Variants in DAB2IP observed in about 807,000 individuals in gnomAD.
DAB2IP encodes the protein disabled homolog 2-interacting protein.
Under a neutral mutation model 107.2 loss-of-function variants are expected in DAB2IP, and 28 were observed. The ratio of observed to expected loss-of-function variants is 0.26; its 90% confidence interval spans 0.19 to 0.36. DAB2IP has a LOEUF of 0.36. DAB2IP is among the 10% of genes least tolerant of loss of function. The pLI, the probability that DAB2IP is intolerant of heterozygous loss-of-function variation, is 1.00. For synonymous variants in DAB2IP, 755 were observed against 706.4 expected (o/e 1.07, Z -1.09); for missense variants, 1,400 against 1,644.7 (o/e 0.85, Z 2.57).
In DAB2IP at chr9:121,754,039, C is replaced by A. The variant is rs574302864; in HGVS notation, c.363-2974C>A. On this transcript the variant is annotated intron_variant, in intron 3 of 15. Coordinates refer to ENST00000408936, the Ensembl canonical transcript of DAB2IP. The stretch of plus-strand genomic sequence containing the variant: ...TTGGGTGACTGATGGAGCAAGCAGT[C>A]CCTGCTGTGAAGTGGCCAGGGACTG... 2.6e-5 allele frequency among the ~76,000 whole-genome samples: 4 copies of A among 152,310 alleles called. No homozygotes were observed. In the East Asian group the frequency reaches 7.7e-4, roughly 29 times the overall value.
At chr9:121,716,147 C>A (rs1406096767) in intron 3 of DAB2IP, among the ~76,000 whole-genome samples, 1 of 152,192 alleles carries the variant, frequency 6.6e-6, no homozygotes, top group Non-Finnish European at 1.5e-5. Flanking sequence ...GTTGAGATCC[C>A]CAGTTAGCAG....
intron 2 of DAB2IP, among the ~76,000 whole-genome samples, chr9:121,691,029 G>A (rs1829134661): frequency 6.6e-6 from 1 of 152,214 alleles, no homozygotes; most frequent in African/African-American, 2.4e-5. Context: ...CTAAAATGCT[G>A]TCAAAAGCTG....
At chr9:121,670,224 C>G (rs1477730815) in intron 1 of DAB2IP, among the ~76,000 whole-genome samples, 1 of 152,230 alleles carries the variant, frequency 6.6e-6, no homozygotes, top group Non-Finnish European at 1.5e-5. Flanking sequence ...CCCAGGAGAT[C>G]CATCCAAGTT....
chr9:121,617,427 A>T (rs1831317380), intron 1 of DAB2IP, among the ~76,000 whole-genome samples: 2 of 152,190 alleles, frequency 1.3e-5, no homozygotes, highest in Non-Finnish European at 2.9e-5. Context: ...AATACTCTGG[A>T]TATGGGAGGA....
chr9:121,693,091 A>G (rs1829242019), intron 2 of DAB2IP, among the ~76,000 whole-genome samples: 1 of 152,182 alleles, frequency 6.6e-6, no homozygotes, highest in African/African-American at 2.4e-5. Flanking sequence ...GCCCAGAAAG[A>G]GGAAGTGTGG....
chr9:121,781,543 G>A (rs1171426822), exon 15 of DAB2IP: 1 of 1,613,954 alleles, frequency 6.2e-7, no homozygotes, highest in Non-Finnish European at 8.5e-7. Context: ...GAAGATCATT[G>A]ATGCCCAGGT....
chr9:121,746,665 G>A (rs1464371218), intron 3 of DAB2IP, among the ~76,000 whole-genome samples: 1 of 152,222 alleles, frequency 6.6e-6, no homozygotes, highest in African/African-American at 2.4e-5. Flanking sequence ...ATTCTAGGGG[G>A]GGCCCAGCAT....
rs1259695380 is a variant in DAB2IP, at chr9:121,639,435, A to C, written c.41-39243A>C. ...TGCCCTGTAAGGGGATACCATGCCT[A>C]TCAGAGCTGTAAGGGGATATTTTAA... On this transcript the variant is annotated intron_variant, in intron 1 of 16. Coordinates refer to the DAB2IP transcript ENST00000259371. 2.6e-5 allele frequency among the ~76,000 whole-genome samples: 4 copies of C among 152,194 alleles called. No homozygotes were observed. The East Asian group carries it at 7.7e-4, about 29-fold the overall frequency.
At chr9:121,605,079 G>A (rs147152854) in intron 1 of DAB2IP, among the ~76,000 whole-genome samples, 1 of 152,196 alleles carries the variant, frequency 6.6e-6, no homozygotes, top group African/African-American at 2.4e-5. Context: ...GAGTGCAGTG[G>A]CGCGATCTTG....
chr9:121,705,734 C>CG (rs1480858525), intron 3 of DAB2IP, among the ~76,000 whole-genome samples: 5 of 152,206 alleles, frequency 3.3e-5, no homozygotes, highest in South Asian at 2.1e-4. Context: ...CTCTCACCTT[C>CG]GGTTACCAGG....
At chr9:121,735,409 C>A (rs1831825756) in intron 3 of DAB2IP, among the ~76,000 whole-genome samples, 1 of 152,214 alleles carries the variant, frequency 6.6e-6, no homozygotes, top group Admixed American at 6.5e-5. Context: ...AGTATCCTGC[C>A]TGCCTGTACA....
chr9:121,742,571 C>T (rs957204932), intron 3 of DAB2IP, among the ~76,000 whole-genome samples: 1 of 152,204 alleles, frequency 6.6e-6, no homozygotes, highest in African/African-American at 2.4e-5. Flanking sequence ...TCTCCCCATC[C>T]CACTCCTATT....
intron 1 of DAB2IP, among the ~76,000 whole-genome samples, chr9:121,594,033 C>A (rs903956359): frequency 2.0e-5 from 3 of 151,996 alleles, no homozygotes; most frequent in Non-Finnish European, 4.4e-5. Flanking sequence ...TTCCTCTTGA[C>A]CATAGTCATA....
chr9:121,747,944 C>T (rs1182264991), intron 3 of DAB2IP, among the ~76,000 whole-genome samples: 1 of 151,846 alleles, frequency 6.6e-6, no homozygotes, highest in East Asian at 1.9e-4. Context: ...TAGGCTTGCA[C>T]AGTTTATACG....
rs577727711 is a variant in DAB2IP at position 121,742,265 on chromosome 9, T to TA, written c.363-14741dup. ...CAACATGGTGAAACCCCGTCTCTACTAAAAAAATACAAAATTAGCCAGGTG... is the reference window on the plus strand; with the variant it reads ...CAACATGGTGAAACCCCGTCTCTACTAAAAAAAATACAAAATTAGCCAGGTG... On this transcript the variant is annotated intron_variant, in intron 3 of 15. Coordinates refer to ENST00000408936, the Ensembl canonical transcript of DAB2IP. Among the ~76,000 whole-genome samples the TA allele has an allele frequency of 4.2e-3, 641 of 152,176 alleles. 3 individuals carry two copies. Among genetic ancestry groups the TA allele is most frequent in the African/African-American group, 0.01 (416 of 41,512 alleles).
chr9:121,753,658 A>T (rs1833285058), intron 3 of DAB2IP, among the ~76,000 whole-genome samples: 1 of 151,362 alleles, frequency 6.6e-6, no homozygotes, highest in African/African-American at 2.4e-5. Flanking sequence ...GTAGATGAAT[A>T]CTCCTGGCAG....
chr9:121,687,915 A>G (rs1033575481), intron 2 of DAB2IP, among the ~76,000 whole-genome samples: 3 of 152,210 alleles, frequency 2.0e-5, no homozygotes, highest in African/African-American at 7.2e-5. Flanking sequence ...GTTGAGGCCC[A>G]GAGAGGGGAG....
intron 1 of DAB2IP, among the ~76,000 whole-genome samples, chr9:121,645,229 G>A (rs1832495746): frequency 6.6e-6 from 1 of 152,234 alleles, no homozygotes; most frequent in South Asian, 2.1e-4. Context: ...GGGAGAGGAA[G>A]TACACAGAGA....
chr9:121,624,288 A>G (rs1421300684), intron 1 of DAB2IP, among the ~76,000 whole-genome samples: 2 of 152,236 alleles, frequency 1.3e-5, no homozygotes, highest in Non-Finnish European at 2.9e-5. Flanking sequence ...AACACCTGGC[A>G]GCTTGTAGGA....
Sources: gnomAD v4.1 joint callset for allele counts (sites outside exome capture counted in the v4.1 genomes callset) on GRCh38, gnomAD v4.1.1 for gene constraint, MANE v1.5 for transcripts, NCBI Gene and HGNC (gene_info 2026-07-23, HGNC 2026-07-21) for gene names.